Variants in PIK3C3 observed in about 807,000 individuals in gnomAD.
PIK3C3 encodes PI3-kinase type 3.
In PIK3C3, 95 loss-of-function variants were observed where a neutral mutation model predicts 126.1. The ratio of observed to expected loss-of-function variants is 0.75; its 90% CI spans 0.64 to 0.89. PIK3C3 has a LOEUF of 0.89. PIK3C3 is among the 40% of genes least tolerant of loss of function. PIK3C3 has a pLI of 0.00. For synonymous variants in PIK3C3, 374 were observed against 360.0 expected, an observed-to-expected ratio of 1.04 and a Z score of -0.44; for missense variants, 829 against 1,063.2, an observed-to-expected ratio of 0.78 and a Z score of 3.06.
chr18:41,996,892 G>T (rs1050070436), intron 9 of PIK3C3, among the ~76,000 whole-genome samples, 162 bp downstream of exon 9: 1 of 152,094 alleles, frequency 6.6e-6, no homozygotes, highest in Non-Finnish European at 1.5e-5. Context: ...ATGAAATTCT[G>T]CATACAAAGA....
chr18:41,974,750 C>T (rs558672918), intron 4 of PIK3C3, among the ~76,000 whole-genome samples: 7 of 152,228 alleles, frequency 4.6e-5, no homozygotes, highest in Admixed American at 2.6e-4. Flanking sequence ...ACCCATTGTT[C>T]CCATCTGCTC....
At chr18:41,966,791 T>G (rs1461407986) in intron 3 of PIK3C3, among the ~76,000 whole-genome samples, 2 of 152,212 alleles carry the variant, frequency 1.3e-5, no homozygotes, top group Non-Finnish European at 2.9e-5. Flanking sequence ...TTCAGCTCAC[T>G]CTCAGATTAA....
rs142513574 is a variant in PIK3C3, at chr18:42,006,948, C to G, written c.1170+2407C>G. Among the ~76,000 whole-genome samples the G allele has an allele frequency of 4.4e-3, 642 of 146,060 alleles. 11 individuals carry two copies. Among genetic ancestry groups the G allele is most frequent in the African/African-American group, 0.015 (598 of 39,776 alleles). On this transcript the variant is annotated intron_variant, in intron 10 of 24. Transcript: ENST00000262039. ...GCGTGATCTCAGCTCACTGAAAGCTCTGCCTCCCAGGTTCACGCCATTCTA... is the reference window on the plus strand; with the variant it reads ...GCGTGATCTCAGCTCACTGAAAGCTGTGCCTCCCAGGTTCACGCCATTCTA...
chr18:41,964,884 G>A (rs1980278393), intron 3 of PIK3C3, among the ~76,000 whole-genome samples: 1 of 152,060 alleles, frequency 6.6e-6, no homozygotes, highest in African/African-American at 2.4e-5. Context: ...GAATAGCTTG[G>A]TTGCTTACAA....
chr18:42,053,200 G>C (rs1984881106), intron 21 of PIK3C3, among the ~76,000 whole-genome samples: 1 of 152,092 alleles, frequency 6.6e-6, no homozygotes, highest in South Asian at 2.1e-4. Context: ...TAAGAACTCT[G>C]GGCATGTGAA....
chr18:42,043,413 G>C (rs1344666610), intron 19 of PIK3C3, among the ~76,000 whole-genome samples: 2 of 152,094 alleles, frequency 1.3e-5, no homozygotes, highest in Non-Finnish European at 2.9e-5. Flanking sequence ...TTTTTTAATA[G>C]TACGTTAATC....
Position 41,982,369 on chromosome 18 carries a change from A to G in PIK3C3, c.532-5443A>G, listed in dbSNP as rs536398740. 3.9e-5 allele frequency among the ~76,000 whole-genome samples: 6 copies of G among 152,164 alleles called. 1 individual carries two copies. In the South Asian group the frequency reaches 1.0e-3, roughly 26 times the overall value. ...CTAATTTATATGGTTTTGTAGTTGG[A>G]TCTAGTTGAAGGGCCCTTGGAAGAA... On this transcript the variant is annotated intron_variant, in intron 4 of 24. Coordinates refer to ENST00000262039, the MANE Select transcript of PIK3C3 (RefSeq NM_002647.4).
intron 3 of PIK3C3, among the ~76,000 whole-genome samples, chr18:41,963,387 G>A (rs1055218776): frequency 6.6e-6 from 1 of 152,130 alleles, no homozygotes; most frequent in African/African-American, 2.4e-5. Context: ...TGTTTTTTAT[G>A]TGTTTTAGTC....
At chr18:41,986,034 A>G (rs1981457645) in intron 4 of PIK3C3, among the ~76,000 whole-genome samples, 1 of 152,152 alleles carries the variant, frequency 6.6e-6, no homozygotes, top group Non-Finnish European at 1.5e-5. Flanking sequence ...AATATTCGAG[A>G]AACGACAGAA....
chr18:41,985,084 C>T (rs1461362499), intron 4 of PIK3C3: 1 of 152,156 alleles, frequency 6.6e-6, no homozygotes, highest in Admixed American at 6.6e-5. Flanking sequence ...TAAGCCCACC[C>T]TTTATCACCA....
At chr18:42,038,911 T>C (rs111603767) in intron 18 of PIK3C3, 61 bp downstream of exon 18, 43 of 1,124,950 alleles carry the variant, frequency 3.8e-5, no homozygotes, top group African/African-American at 1.9e-4. Flanking sequence ...CTTTTTCAAA[T>C]TGAAAATTTT....
intron 4 of PIK3C3, among the ~76,000 whole-genome samples, chr18:41,985,548 A>G (rs927524978): frequency 2.0e-5 from 3 of 152,104 alleles, no homozygotes; most frequent in Admixed American, 2.0e-4. Flanking sequence ...ATTCTTTTTG[A>G]TTATAGCATT....
At chr18:42,058,119 G>T (rs1357154331) in intron 22 of PIK3C3, 68 bp downstream of exon 22, 35 of 1,347,558 alleles carry the variant, frequency 2.6e-5, no homozygotes, top group Non-Finnish European at 1.0e-6. Flanking sequence ...AAGAGAATTT[G>T]TTTAAATGTA....
intron 4 of PIK3C3, among the ~76,000 whole-genome samples, chr18:41,982,886 A>T (rs1416803071): frequency 6.6e-6 from 1 of 152,200 alleles, no homozygotes; most frequent in Non-Finnish European, 1.5e-5. Context: ...GTTATTTAAG[A>T]TACTTCTACC....
At chr18:42,069,157 CTGAACACCAGTCT>C (rs1985672089) in intron 24 of PIK3C3, among the ~76,000 whole-genome samples, 1 of 152,068 alleles carries the variant, frequency 6.6e-6, no homozygotes, top group African/African-American at 2.4e-5. Flanking sequence ...GTGTTTTTCC[CTGAACACCAGTCT>C]TGATCATATT....
chr18:42,007,979 C>A (rs189551240), intron 10 of PIK3C3, among the ~76,000 whole-genome samples: 3 of 152,172 alleles, frequency 2.0e-5, no homozygotes, highest in African/African-American at 7.2e-5. Flanking sequence ...TTGTTCTTTT[C>A]TTTTTCTGTG....
At chr18:42,038,938 A>G (rs1349206235) in intron 18 of PIK3C3, 88 bp downstream of exon 18, 1 of 786,304 alleles carries the variant, frequency 1.3e-6, no homozygotes, top group Non-Finnish European at 2.1e-6. Context: ...TGTTAGAGAT[A>G]CAAATAAATT....
At chr18:42,019,217 GAAAT>G (rs1983212137) in intron 12 of PIK3C3, among the ~76,000 whole-genome samples, 1 of 152,100 alleles carries the variant, frequency 6.6e-6, no homozygotes. Flanking sequence ...TTTCCTGATA[GAAAT>G]ACTCAAGTAT....
chr18:41,965,216 G>T lies in PIK3C3; in HGVS notation c.401+2584G>T, dbSNP rs189178334. 1.8e-3 allele frequency among the ~76,000 whole-genome samples: 270 copies of T among 152,242 alleles called. 1 individual carries two copies. Among genetic ancestry groups the T allele is most frequent in the Admixed American group, 3.5e-3 (53 of 15,298 alleles). On this transcript the variant is annotated intron_variant, in intron 3 of 24. Coordinates refer to ENST00000262039, the MANE Select transcript of PIK3C3 (RefSeq NM_002647.4). ...ACATTCCTCTTGGTTTTTCCTCCCA[G>T]ATTCATCACAAGTGGTTTACCTTCT...
Sources: allele counts gnomAD v4.1 joint callset (sites outside exome capture counted in the v4.1 genomes callset), GRCh38; gene constraint gnomAD v4.1.1; transcripts MANE v1.5; gene names NCBI Gene and HGNC (gene_info 2026-07-23, HGNC 2026-07-21).